Variants in PRKCSH observed in about 807,000 individuals in gnomAD.
The protein encoded by PRKCSH is glucosidase 2 subunit beta.
Under a neutral mutation model 79.7 loss-of-function variants are expected in PRKCSH, and 42 were observed. The ratio of observed to expected loss-of-function variants is 0.53; its 90% CI spans 0.41 to 0.68. The LOEUF (loss-of-function observed/expected upper bound fraction) is 0.68. Among genes scored for constraint, PRKCSH ranks in the 30% least tolerant of loss-of-function variants. The pLI, the probability that PRKCSH is intolerant of heterozygous loss-of-function variation, is 0.00. For synonymous variants in PRKCSH, 325 were observed against 288.2 expected, an observed-to-expected ratio of 1.13 and a Z score of -1.29; for missense variants, 686 against 709.0, an observed-to-expected ratio of 0.97 and a Z score of 0.37.
chr19:11,445,300 G>A (rs1028479439), intron 7 of PRKCSH, 89 bp from the exon 8 acceptor site: 75 of 1,242,492 alleles, frequency 6.0e-5, no homozygotes, highest in Non-Finnish European at 8.4e-5. Context: ...GCATATAGTA[G>A]GCGCTTGGTG....
Position 11,436,176 on chromosome 19 carries a change from C to A in PRKCSH, c.59C>A (p.Pro20His). 6.3e-7 allele frequency: 1 copy of A among 1,591,840 alleles called. No individual in the cohort carries two copies. Among genetic ancestry groups the A allele is most frequent in the African/African-American group, 1.3e-5 (1 of 74,316 alleles). ...PMCWAVEVKR[P>H]RGVSLTNHHF... The stretch of plus-strand genomic sequence containing the variant: ...TGCTGGGCCGTGGAGGTCAAGAGGC[C>A]CCGGGGCGTCTCCCTCACCAGTGAG... Residue 20 changes from proline (P) to histidine (H), a missense_variant, in exon 2 of 18, where the codon CCC (proline) becomes CAC (histidine). Around this residue, in one of 2 missense-constraint regions of PRKCSH, gnomAD observed 549 missense variants for 520.2 expected, o/e 1.06. Transcript: ENST00000677123.
At chr19:11,437,512 C>A (rs1242957225) in intron 3 of PRKCSH, among the ~76,000 whole-genome samples, 1 of 151,890 alleles carries the variant, frequency 6.6e-6, no homozygotes, top group Non-Finnish European at 1.5e-5. Context: ...CCACCACATC[C>A]GGCTAATTTT....
At chr19:11,444,675 G>A (rs912530550) in intron 7 of PRKCSH, among the ~76,000 whole-genome samples, 2 of 152,170 alleles carry the variant, frequency 1.3e-5, no homozygotes, top group Non-Finnish European at 1.5e-5. Flanking sequence ...CTCTGCTTAG[G>A]TTAGAGTAGC....
At chr19:11,440,525 C>T (rs1166307251) in intron 5 of PRKCSH, among the ~76,000 whole-genome samples, 10 of 151,584 alleles carry the variant, frequency 6.6e-5, no homozygotes, top group African/African-American at 1.9e-4. Flanking sequence ...TTGCTTACCC[C>T]AACCTCCACA....
At chr19:11,440,523 C>T (rs560810257) in intron 5 of PRKCSH, among the ~76,000 whole-genome samples, 1 of 151,252 alleles carries the variant, frequency 6.6e-6, no homozygotes, top group Non-Finnish European at 1.5e-5. Context: ...CTTTGCTTAC[C>T]CCAACCTCCA....
chr19:11,449,479 C>T lies in PRKCSH; in HGVS notation c.*16+51C>T, dbSNP rs562377056. 319 of 1,609,270 alleles carry T rather than the reference C, an allele frequency of 2.0e-4. No individual in the cohort carries two copies. Among genetic ancestry groups the T allele is most frequent in the South Asian group, 1.7e-3 (157 of 90,888 alleles). On this transcript the variant is annotated intron_variant, in intron 17 of 17. Coordinates refer to ENST00000677123, the MANE Select transcript of PRKCSH (RefSeq NM_001289104.2). This position sits in a 1 kb window ranked among gnomAD's most constrained non-coding sequence, Gnocchi z 6.4. ...GGCCTGCCCCAGCAAGGGGAGGCGG[C>T]GGGCCCTGAGGAAGATGGACCCACA... is the stretch of plus-strand genomic sequence containing the variant.
chr19:11,442,816 C>G (rs936916075), intron 7 of PRKCSH, among the ~76,000 whole-genome samples: 10 of 152,122 alleles, frequency 6.6e-5, no homozygotes, highest in Admixed American at 6.6e-4. Flanking sequence ...ATTCTTGTGC[C>G]TCAGCCTCCT....
At chr19:11,445,580 C>T (rs1970258561) in intron 8 of PRKCSH, 107 bp downstream of exon 8, 10 of 1,125,980 alleles carry the variant, frequency 8.9e-6, no homozygotes, top group Admixed American at 2.0e-5. Flanking sequence ...GTTCCCCCGG[C>T]GTGGGGTCCA....
intron 8 of PRKCSH, 148 bp downstream of exon 8, chr19:11,445,621 T>G: frequency 1.3e-6 from 1 of 788,360 alleles, no homozygotes; most frequent in East Asian, 2.7e-5. Flanking sequence ...TGACCCCGCC[T>G]CTTACTCGTG....
Position 11,448,284 on chromosome 19 carries a change from TC to T in PRKCSH, c.1191del (p.Ile398SerfsTer73). 1 of 1,572,946 alleles carries T rather than the reference TC, an allele frequency of 6.4e-7. No individual in the cohort carries two copies. The highest frequency in any genetic ancestry group is 2.3e-5 in the East Asian group (1 of 42,898). Reference sequence around the variant, plus strand: ...GCGGTCGCTGAAGGACATGGAGGAGTCCATCAGGTAGCGGGGGCTGAGGAGC... The same window carrying T: ...GCGGTCGCTGAAGGACATGGAGGAGTCATCAGGTAGCGGGGGCTGAGGAGC... ...AERSLKDMEE[S>X]IRNLEQEISF... On this transcript the variant is annotated frameshift_variant, in exon 13 of 18. Coordinates refer to ENST00000677123, the MANE Select transcript of PRKCSH (RefSeq NM_001289104.2). LOFTEE classifies it high-confidence loss of function. This position sits in a 1 kb window ranked among gnomAD's most constrained non-coding sequence, Gnocchi z 4.4.
Position 11,449,913 on chromosome 19 carries a change from C to G in PRKCSH, c.*16+485C>G, listed in dbSNP as rs557396171. 1.0e-5 allele frequency: 2 copies of G among 190,972 alleles called. No individual in the cohort carries two copies. Among genetic ancestry groups the G allele is most frequent in the Non-Finnish European group, 2.2e-5 (2 of 90,976 alleles). 11.8% of individuals were successfully genotyped at this position (190,972 alleles called of 1,614,324 possible). A position where few individuals can be genotyped will look rare whatever the true frequency, so the allele number is the denominator to read the frequency against. On this transcript the variant is annotated intron_variant, in intron 17 of 17. Coordinates refer to ENST00000677123, the MANE Select transcript of PRKCSH (RefSeq NM_001289104.2). This position sits in a 1 kb window ranked among gnomAD's most constrained non-coding sequence, Gnocchi z 6.4. ...AATGTGGAATGCAATGGCGCGATCT[C>G]GGCTCACTGCAACCTCCACCTCCTG... is the stretch of plus-strand genomic sequence containing the variant.
intron 9 of PRKCSH, among the ~76,000 whole-genome samples, chr19:11,446,850 G>T (rs1162404620): frequency 6.6e-6 from 1 of 151,750 alleles, no homozygotes; most frequent in African/African-American, 2.4e-5. Context: ...CTCTCTTTCT[G>T]TCTCAGTGCC....
At chr19:11,445,841 G>A (rs1051755518) in intron 8 of PRKCSH, 73 of 448,290 alleles carry the variant, frequency 1.6e-4, no homozygotes, top group Admixed American at 8.2e-4. Flanking sequence ...GGTGGAGGGT[G>A]GACTTTTGGG....
Position 11,448,546 on chromosome 19 carries a change from G to C in PRKCSH, c.1203G>C (p.Leu401=). 1 of 1,614,196 alleles carries C rather than the reference G, an allele frequency of 6.2e-7. No homozygotes were observed. Among genetic ancestry groups the C allele is most frequent in the Non-Finnish European group, 8.5e-7 (1 of 1,180,008 alleles). ...LKDMEESIRN[L]EQEISFDFGP... ...GCTCCGCCTCCCCTTCCAGGAACCT[G>C]GAGCAAGAGATTTCTTTTGACTTTG... Residue 401 remains leucine (L), a synonymous_variant, in exon 14 of 18, where the codon CTG becomes CTC. Transcript: ENST00000677123. The surrounding 1 kb of genome is among the most constrained non-coding windows in gnomAD (Gnocchi z 4.4).
chr19:11,448,887 C>T lies in PRKCSH; in HGVS notation c.1287-27C>T, dbSNP rs370419513. ...AGGAGGCTGGAATCCCTGCGTTCCCCAACCCATATGTCCCGGTCCTCCACA... is the reference window on the plus strand; with the variant it reads ...AGGAGGCTGGAATCCCTGCGTTCCCTAACCCATATGTCCCGGTCCTCCACA... On this transcript the variant is annotated intron_variant, in intron 14 of 17. Coordinates refer to ENST00000677123, the MANE Select transcript of PRKCSH (RefSeq NM_001289104.2). The surrounding 1 kb of genome is among the most constrained non-coding windows in gnomAD (Gnocchi z 4.4). 1.2e-6 allele frequency: 2 copies of T among 1,613,794 alleles called. No individual in the cohort carries two copies. Among genetic ancestry groups the T allele is most frequent in the Non-Finnish European group, 1.7e-6 (2 of 1,179,756 alleles).
rs536993457 is a variant in PRKCSH, at chr19:11,447,020, G to A, written c.763-54G>A. ...CCGCAGCCCGGGTGCCGGGGTGGCC[G>A]AGATGGGGGACACGTGGTGGCCTAG... On this transcript the variant is annotated intron_variant, in intron 9 of 17. Coordinates refer to ENST00000677123, the MANE Select transcript of PRKCSH (RefSeq NM_001289104.2). This position sits in a 1 kb window ranked among gnomAD's most constrained non-coding sequence, Gnocchi z 5.6. 1.3e-5 allele frequency: 21 copies of A among 1,585,660 alleles called. No individual in the cohort carries two copies. Among genetic ancestry groups the A allele is most frequent in the African/African-American group, 8.1e-5 (6 of 74,346 alleles).
In PRKCSH at chr19:11,448,544, C is replaced by T. The variant is rs530493526; in HGVS notation, c.1201C>T (p.Leu401=). Residue 401 remains leucine, a synonymous_variant, in exon 14 of 18, where the codon CTG becomes TTG. Transcript: ENST00000677123. The surrounding 1 kb of genome is among the most constrained non-coding windows in gnomAD (Gnocchi z 4.4). ...LKDMEESIRN[L]EQEISFDFGP... ...CCGCTCCGCCTCCCCTTCCAGGAACCTGGAGCAAGAGATTTCTTTTGACTT... is the reference window on the plus strand; with the variant it reads ...CCGCTCCGCCTCCCCTTCCAGGAACTTGGAGCAAGAGATTTCTTTTGACTT... 6.8e-6 allele frequency: 11 copies of T among 1,614,068 alleles called. No individual in the cohort carries two copies. The highest frequency in any genetic ancestry group is 9.3e-6 in the Non-Finnish European group (11 of 1,179,994).
chr19:11,437,740 A>C, intron 3 of PRKCSH, 136 bp from the exon 4 acceptor site: 1 of 827,700 alleles, frequency 1.2e-6, no homozygotes. Flanking sequence ...GCAGTGTACA[A>C]CTCTTTCCTT....
intron 5 of PRKCSH, among the ~76,000 whole-genome samples, chr19:11,439,424 A>T (rs1969943414): frequency 6.6e-6 from 1 of 150,474 alleles, no homozygotes; most frequent in African/African-American, 2.4e-5. Context: ...TAAAAAAAAA[A>T]AATTAAAAAG....
Sources: gnomAD v4.1 joint callset for allele counts (sites outside exome capture counted in the v4.1 genomes callset) on GRCh38, gnomAD v4.1.1 for gene constraint, gnomAD v4.1.1 regional missense constraint, Gnocchi (gnomAD v3.1) non-coding constraint, MANE v1.5 for transcripts, NCBI Gene and HGNC (gene_info 2026-07-23, HGNC 2026-07-21) for gene names.